Variants in FNTA observed in about 807,000 individuals in gnomAD.
FNTA encodes protein farnesyltransferase/geranylgeranyltransferase type-1 subunit alpha.
A neutral mutation model predicts 55.2 loss-of-function variants in FNTA; 27 were observed. That is an observed-to-expected ratio of 0.49 (90% CI 0.36 to 0.67). The LOEUF (loss-of-function observed/expected upper bound fraction) is 0.67. FNTA is among the 30% of genes least tolerant of loss of function. The probability of loss-of-function intolerance (pLI) is 0.00; values close to 1 mark genes in which losing one functional copy is unlikely to be tolerated. For synonymous variants in FNTA, 176 were observed against 170.7 expected (o/e 1.03, Z -0.24); for missense variants, 422 against 464.7 (o/e 0.91, Z 0.85).
intron 3 of FNTA, among the ~76,000 whole-genome samples, chr8:43,067,646 C>CT (rs58503449): frequency 0.056 from 7,676 of 136,328 alleles, 330 homozygotes; most frequent in African/African-American, 0.12. Flanking sequence ...GGGAAGTCTA[C>CT]TTTTTTTTTT....
intron 7 of FNTA, 94 bp from the exon 8 acceptor site, chr8:43,084,613 CTTG>C (rs1191848082): frequency 1.5e-5 from 13 of 896,238 alleles, no homozygotes; most frequent in Non-Finnish European, 1.0e-5. Flanking sequence ...CTCTCCTTTT[CTTG>C]TTTGTGTTTC....
chr8:43,083,890 T>A (rs1229259331), intron 7 of FNTA, among the ~76,000 whole-genome samples: 1 of 152,156 alleles, frequency 6.6e-6, no homozygotes, highest in Non-Finnish European at 1.5e-5. Flanking sequence ...CTGGCCAACA[T>A]GGCAAAACCC....
At chr8:43,076,217 T>G (rs1246654213) in intron 5 of FNTA, among the ~76,000 whole-genome samples, 1 of 152,038 alleles carries the variant, frequency 6.6e-6, no homozygotes, top group African/African-American at 2.4e-5. Flanking sequence ...CTAATTTTTG[T>G]GTTTTTAGTA....
chr8:43,075,188 C>G (rs1810882411), intron 5 of FNTA, among the ~76,000 whole-genome samples: 1 of 152,192 alleles, frequency 6.6e-6, no homozygotes, highest in South Asian at 2.1e-4. Context: ...TAGGTGTTTA[C>G]TCTCTATCCT....
At position 43,065,594 on chromosome 8, in the gene FNTA, T is replaced by C. The variant is rs138920371; in HGVS notation, c.401+1379T>C. Among the ~76,000 whole-genome samples, 396 of 149,380 alleles carry C rather than the reference T, an allele frequency of 2.7e-3. 19 individuals carry two copies. The highest frequency in any genetic ancestry group is 0.011 in the South Asian group (52 of 4,820). ...AATGACATTCCCTCTAACAGTGTCA[T>C]TTTTGTTTTCTTTGTACCAATAGGT... On this transcript the variant is annotated intron_variant, in intron 3 of 8. Coordinates refer to ENST00000302279, the MANE Select transcript of FNTA (RefSeq NM_002027.3).
At position 43,083,242 on chromosome 8, in the gene FNTA, G is replaced by T; in HGVS notation, c.845+62G>T. 3 of 909,624 alleles carry T rather than the reference G, an allele frequency of 3.3e-6. No individual in the cohort carries two copies. In the South Asian group the frequency reaches 4.7e-5, roughly 14 times the overall value. The allele number at this position is 909,624 out of a possible 1,614,324, so 56.3% of individuals were successfully genotyped here. A position where few individuals can be genotyped will look rare whatever the true frequency, so the allele number is the denominator to read the frequency against. On this transcript the variant is annotated intron_variant, in intron 7 of 8. Coordinates refer to ENST00000302279, the MANE Select transcript of FNTA (RefSeq NM_002027.3). The stretch of plus-strand genomic sequence containing the variant: ...AGAAGTGGCTATATGATGCATCATG[G>T]AGTGTATTCCATAATCAGATTCCAA...
At chr8:43,056,594 A>G in intron 1 of FNTA, 48 bp downstream of exon 1, 1 of 1,205,036 alleles carries the variant, frequency 8.3e-7, no homozygotes. Flanking sequence ...CTGGAGGCCC[A>G]GCGGCCCCAA....
At chr8:43,080,198 A>G (rs1810995510) in intron 6 of FNTA, 2 of 152,222 alleles carry the variant, frequency 1.3e-5, no homozygotes, top group African/African-American at 4.8e-5. Flanking sequence ...TCCAGTTTTG[A>G]AAAGTTTTAC....
rs990966339 is a variant in FNTA, at chr8:43,082,942, A to T, written c.783-176A>T. ...GCGCCTGTAGTCCCAGCTACTCGGG[A>T]GGCTGAGGCAGGAGTATGACTTGAA... On this transcript the variant is annotated intron_variant, in intron 6 of 8. Coordinates refer to ENST00000302279, the MANE Select transcript of FNTA (RefSeq NM_002027.3). 3 of 390,406 alleles carry T rather than the reference A, an allele frequency of 7.7e-6. No homozygotes were observed. In the East Asian group the frequency reaches 1.8e-4, roughly 23 times the overall value. The allele number at this position is 390,406 out of a possible 1,614,324, so 24.2% of individuals were successfully genotyped here.
chr8:43,084,964 C>G (rs1811097606), intron 8 of FNTA, 83 bp downstream of exon 8: 2 of 1,379,540 alleles, frequency 1.4e-6, no homozygotes, highest in South Asian at 2.5e-5. Flanking sequence ...TGTCCCCTTT[C>G]AACATCGTTC....
rs1810479845 is a variant in FNTA, at chr8:43,059,268, TTCTG to T, written c.286+95_286+98del. The T allele has an allele frequency of 3.1e-5, 26 of 829,266 alleles. No individual in the cohort carries two copies. The South Asian group carries it at 3.2e-4, about 10-fold the overall frequency. 51.4% of individuals were successfully genotyped at this position (829,266 alleles called of 1,614,324 possible). On this transcript the variant is annotated intron_variant, in intron 2 of 8. Transcript: ENST00000302279. ...CTATGTAGCAAGATAGATGACAAAT[TTCTG>T]TCTAATAAAAATCTGAATGACTTAA...
Position 43,072,182 on chromosome 8 carries a change from C to T in FNTA, c.508C>T (p.His170Tyr). ...TTCTCTCCCTTCTTTGGGCTTTAGG[C>T]ATCATAGGCGAGTATTAGTGGAATG... ...EEQPKNYQVW[H>Y]HRRVLVEWLR... The change falls in exon 5 of 9, where the codon CAT (histidine) becomes TAT (tyrosine). Residue 170 changes from histidine to tyrosine, a missense_variant and splice_region_variant. Physicochemically the swap from His to Tyr is moderately conservative, Grantham distance 83. Transcript: ENST00000302279. 2 of 1,527,526 alleles carry T rather than the reference C, an allele frequency of 1.3e-6. No individual in the cohort carries two copies. The highest frequency in any genetic ancestry group is 1.8e-6 in the Non-Finnish European group (2 of 1,135,242). The allele number at this position is 1,527,526 out of a possible 1,614,324, so 94.6% of individuals were successfully genotyped here.
chr8:43,081,611 C>G (rs1811029121), intron 6 of FNTA: 1 of 152,220 alleles, frequency 6.6e-6, no homozygotes, highest in African/African-American at 2.4e-5. Flanking sequence ...GTCACCCAGG[C>G]TGGAGTGCAG....
chr8:43,070,415 T>A (rs1473516397), intron 4 of FNTA: 1 of 152,218 alleles, frequency 6.6e-6, no homozygotes, highest in Non-Finnish European at 1.5e-5. Context: ...ATAAAATAAT[T>A]GGTTTAATGG....
chr8:43,066,173 A>G (rs974168974), intron 3 of FNTA, among the ~76,000 whole-genome samples: 2 of 148,414 alleles, frequency 1.3e-5, no homozygotes, highest in African/African-American at 5.0e-5. Context: ...AATTTCATCA[A>G]TTTTATTTTC....
chr8:43,070,181 G>T (rs923043260), intron 4 of FNTA: 2 of 149,746 alleles, frequency 1.3e-5, no homozygotes, highest in Non-Finnish European at 3.0e-5. Context: ...CTCAAGGAGC[G>T]TGCCTGTAAT....
At chr8:43,063,014 C>T (rs1301667962) in intron 2 of FNTA, among the ~76,000 whole-genome samples, 1 of 151,970 alleles carries the variant, frequency 6.6e-6, no homozygotes, top group Non-Finnish European at 1.5e-5. Context: ...AACTCTTGGG[C>T]TCAAGCAGTC....
chr8:43,075,231 C>T (rs1026448706), intron 5 of FNTA, among the ~76,000 whole-genome samples: 11 of 152,190 alleles, frequency 7.2e-5, no homozygotes, highest in Non-Finnish European at 1.5e-5. Flanking sequence ...AGTGGGAGGA[C>T]ACCAATCAGT....
At chr8:43,084,217 CTTTTT>C (rs965185730) in intron 7 of FNTA, among the ~76,000 whole-genome samples, 2 of 131,558 alleles carry the variant, frequency 1.5e-5, no homozygotes, top group Non-Finnish European at 1.6e-5. Context: ...TGTAATTATC[CTTTTT>C]TTTTTTTTTT....
Sources: allele counts gnomAD v4.1 joint callset (sites outside exome capture counted in the v4.1 genomes callset), GRCh38; gene constraint gnomAD v4.1.1; transcripts MANE v1.5; gene names NCBI Gene and HGNC (gene_info 2026-07-23, HGNC 2026-07-21).